Variants in AFG1L observed in about 807,000 individuals in gnomAD.
AFG1L encodes AFG1 like ATPase, also known as AFG1-like ATPase.
In AFG1L, 53 loss-of-function variants were observed where a neutral mutation model predicts 62.2. The ratio of observed to expected loss-of-function variants is 0.85; its 90% CI spans 0.68 to 1.07. The LOEUF (loss-of-function observed/expected upper bound fraction) is 1.07. AFG1L is among the 50% of genes least tolerant of loss of function. The pLI, the probability that AFG1L is intolerant of heterozygous loss-of-function variation, is 0.00. For synonymous variants in AFG1L, 228 were observed against 210.3 expected, an observed-to-expected ratio of 1.08 and a Z score of -0.73; for missense variants, 555 against 590.5, an observed-to-expected ratio of 0.94 and a Z score of 0.62.
chr6:108,396,919 A>T lies in AFG1L; in HGVS notation c.749-5077A>T, dbSNP rs1369213747. Among the ~76,000 whole-genome samples, 5 of 152,334 alleles carry T rather than the reference A, an allele frequency of 3.3e-5. No homozygotes were observed. In the South Asian group the frequency reaches 1.0e-3, roughly 32 times the overall value. ...CAAGCACGTATCCTTTGTATTACAA[A>T]CAATCCATTATACTCTATTAGTTAT... On this transcript the variant is annotated intron_variant, in intron 6 of 12. Coordinates refer to ENST00000368977, the MANE Select transcript of AFG1L (RefSeq NM_145315.5).
chr6:108,372,416 G>A (rs1168728531), intron 6 of AFG1L, among the ~76,000 whole-genome samples: 1 of 148,692 alleles, frequency 6.7e-6, no homozygotes, highest in African/African-American at 2.5e-5. Flanking sequence ...TGCAACCTCC[G>A]CCTCCTGGGT....
intron 1 of AFG1L, among the ~76,000 whole-genome samples, chr6:108,313,377 A>C (rs1356194105): frequency 6.6e-6 from 1 of 152,166 alleles, no homozygotes; most frequent in Admixed American, 6.5e-5. Flanking sequence ...GTGAAGATCG[A>C]ATCAGTTAAT....
intron 1 of AFG1L, chr6:108,318,277 CA>C: frequency 3.2e-6 from 1 of 310,668 alleles, no homozygotes. Flanking sequence ...GGCTAAAACA[CA>C]AAGAAGACTG....
At chr6:108,500,807 A>ACC (rs1220736804) in intron 10 of AFG1L, among the ~76,000 whole-genome samples, 2 of 151,908 alleles carry the variant, frequency 1.3e-5, no homozygotes, top group Non-Finnish European at 2.9e-5. Flanking sequence ...CACATTCCTC[A>ACC]CCCACATCTG....
intron 7 of AFG1L, among the ~76,000 whole-genome samples, chr6:108,446,082 A>G (rs1452114753): frequency 4.0e-5 from 6 of 149,420 alleles, no homozygotes. Context: ...ACACACACAC[A>G]CACACACACA....
At chr6:108,333,137 C>T (rs758708191) in intron 2 of AFG1L, among the ~76,000 whole-genome samples, 228 of 152,222 alleles carry the variant, frequency 1.5e-3, no homozygotes, top group Middle Eastern at 3.4e-3. Flanking sequence ...TGGCTGGGTG[C>T]GGTGGCTCAC....
At chr6:108,382,518 TA>T (rs999606274) in intron 6 of AFG1L, among the ~76,000 whole-genome samples, 20 of 152,264 alleles carry the variant, frequency 1.3e-4, no homozygotes, top group East Asian at 1.9e-4. Flanking sequence ...TTAATGCTTC[TA>T]GGGGGAAAAA....
chr6:108,412,816 A>G (rs1289100568), intron 7 of AFG1L, among the ~76,000 whole-genome samples: 1 of 152,218 alleles, frequency 6.6e-6, no homozygotes, highest in Non-Finnish European at 1.5e-5. Flanking sequence ...AAATCATGCC[A>G]AATTGTAAAG....
chr6:108,408,067 CA>C (rs1781937573), intron 7 of AFG1L, among the ~76,000 whole-genome samples: 1 of 150,160 alleles, frequency 6.7e-6, no homozygotes. Context: ...TTAAGGGTGT[CA>C]AATTTTATTT....
chr6:108,343,352 T>A (rs1387227273), intron 2 of AFG1L, among the ~76,000 whole-genome samples: 2 of 125,492 alleles, frequency 1.6e-5, no homozygotes, highest in Admixed American at 1.6e-4. Flanking sequence ...CCGGCCAACC[T>A]TTTTGTTTTT....
intron 10 of AFG1L, among the ~76,000 whole-genome samples, chr6:108,497,833 C>G (rs1774030866): frequency 6.6e-6 from 1 of 152,172 alleles, no homozygotes. Flanking sequence ...TAGTAAATCT[C>G]TGTAGCAAGT....
chr6:108,312,127 A>C (rs1439353777), intron 1 of AFG1L, among the ~76,000 whole-genome samples: 1 of 152,224 alleles, frequency 6.6e-6, no homozygotes, highest in Non-Finnish European at 1.5e-5. Flanking sequence ...GGCCTCCCAA[A>C]GTGTTGGGAT....
chr6:108,448,276 C>G lies in AFG1L; in HGVS notation c.890+980C>G, dbSNP rs138258223. The stretch of plus-strand genomic sequence containing the variant: ...AAGTACTTTATAATTTTAAAAAATT[C>G]ATAGAGCACATTTTTCTGCTTTAAC... On this transcript the variant is annotated intron_variant, in intron 8 of 12. Coordinates refer to ENST00000368977, the MANE Select transcript of AFG1L (RefSeq NM_145315.5). Among the ~76,000 whole-genome samples the G allele has an allele frequency of 2.7e-4, 41 of 152,238 alleles. No individual in the cohort carries two copies. In the East Asian group the frequency reaches 7.3e-3, roughly 27 times the overall value.
chr6:108,363,944 G>A (rs964983547), intron 5 of AFG1L, among the ~76,000 whole-genome samples: 1 of 152,084 alleles, frequency 6.6e-6, no homozygotes, highest in Non-Finnish European at 1.5e-5. Flanking sequence ...TGAGACTCAA[G>A]CACTCACACA....
intron 7 of AFG1L, among the ~76,000 whole-genome samples, chr6:108,422,490 A>AAAAAAAAAAAAAAAAAAAAAAAAAG (rs1770641868): frequency 6.8e-6 from 1 of 147,968 alleles, no homozygotes; most frequent in African/African-American, 2.5e-5. Flanking sequence ...AAAAAAAAAA[A>AAAAAAAAAAAAAAAAAAAAAAAAAG]AAAAAAAAAG....
chr6:108,519,865 G>A (rs997535975), intron 12 of AFG1L, 55 bp downstream of exon 12: 2 of 1,127,004 alleles, frequency 1.8e-6, no homozygotes, highest in Non-Finnish European at 2.6e-6. Context: ...ATTGTTTTTG[G>A]TTTGATGCAT....
intron 1 of AFG1L, 125 bp downstream of exon 1, chr6:108,295,343 G>A: frequency 9.1e-7 from 1 of 1,104,838 alleles, no homozygotes; most frequent in South Asian, 1.6e-5. Flanking sequence ...GGCTCCTCGA[G>A]AGGAGTTTCC....
chr6:108,358,907 G>C (rs936461769), intron 5 of AFG1L, among the ~76,000 whole-genome samples: 3 of 152,192 alleles, frequency 2.0e-5, no homozygotes, highest in Admixed American at 2.0e-4. Flanking sequence ...TGAAAATCTG[G>C]CTGTGCAAAG....
chr6:108,397,630 G>A (rs151168058), intron 6 of AFG1L, among the ~76,000 whole-genome samples: 6 of 151,980 alleles, frequency 3.9e-5, no homozygotes, highest in African/African-American at 1.2e-4. Context: ...ACCCTTCCCA[G>A]CCTCTGGTGA....
Sources: gnomAD v4.1 joint callset for allele counts (sites outside exome capture counted in the v4.1 genomes callset) on GRCh38, gnomAD v4.1.1 for gene constraint, MANE v1.5 for transcripts, NCBI Gene and HGNC (gene_info 2026-07-23, HGNC 2026-07-21) for gene names.